Variants in ADGRB3 observed in about 807,000 individuals in gnomAD.
The protein encoded by ADGRB3 is brain-specific angiogenesis inhibitor 3.
ADGRB3 carries 37 observed loss-of-function variants against 193.4 expected under a neutral mutation model. That is an observed-to-expected ratio of 0.19 (90% CI 0.15 to 0.25). ADGRB3 has a LOEUF of 0.25. Ranked by LOEUF, ADGRB3 falls within the 10% of genes least tolerant of loss-of-function variation. The probability of loss-of-function intolerance (pLI) is 1.00; values close to 1 mark genes in which losing one functional copy is unlikely to be tolerated. For missense variants in ADGRB3, 1,637 were observed against 1,852.9 expected, an observed-to-expected ratio of 0.88 and a Z score of 2.14; for synonymous variants, 690 against 644.2, an observed-to-expected ratio of 1.07 and a Z score of -1.08.
At chr6:69,155,501 T>C (rs1457243949) in intron 17 of ADGRB3, among the ~76,000 whole-genome samples, 5 of 152,260 alleles carry the variant, frequency 3.3e-5, no homozygotes, top group African/African-American at 9.6e-5. Context: ...TTTATCAAGA[T>C]ACTTTGCAAA....
At chr6:68,964,420 G>A (rs1768319461) in intron 8 of ADGRB3, among the ~76,000 whole-genome samples, 1 of 152,128 alleles carries the variant, frequency 6.6e-6, no homozygotes, top group Non-Finnish European at 1.5e-5. Context: ...CCAGTCTTCA[G>A]TAGCCTTGCC....
chr6:68,748,172 C>T (rs1490927730), intron 3 of ADGRB3, among the ~76,000 whole-genome samples: 2 of 152,018 alleles, frequency 1.3e-5, no homozygotes, highest in Non-Finnish European at 2.9e-5. Flanking sequence ...ATCATTCCAC[C>T]CCTAGCCCCT....
rs751049558 is a variant in ADGRB3 at position 69,075,995 on chromosome 6, G to C, written c.2437G>C (p.Gly813Arg). The change falls in exon 17 of 32, where the codon GGT becomes CGT. Residue 813 changes from glycine (G) to arginine (R), a missense_variant and splice_region_variant. Physicochemically the swap from Gly to Arg is moderately radical, Grantham distance 125. Transcript: ENST00000370598. ...CATTCTTTCTCTGCTTTTTTTTTAG[G>C]GTACTTTGAATCCCTATTGTGTATT... ...LEIELAHLANGTLNPYCVLWD... is the reference protein window; with the variant it reads ...LEIELAHLANRTLNPYCVLWD... The C allele has an allele frequency of 6.2e-7, 1 of 1,603,634 alleles. No homozygotes were observed. The highest frequency in any genetic ancestry group is 1.4e-5 in the African/African-American group (1 of 73,588).
At chr6:68,736,055 A>T (rs1272852214) in intron 3 of ADGRB3, among the ~76,000 whole-genome samples, 1 of 152,064 alleles carries the variant, frequency 6.6e-6, no homozygotes, top group Non-Finnish European at 1.5e-5. Flanking sequence ...TCTGTTGCCC[A>T]GTTTGGAATG....
At chr6:68,964,677 T>C (rs1562102529) in intron 8 of ADGRB3, among the ~76,000 whole-genome samples, 1 of 152,194 alleles carries the variant, frequency 6.6e-6, no homozygotes, top group Non-Finnish European at 1.5e-5. Flanking sequence ...TGTTATCAGG[T>C]TGAAACTAGA....
intron 17 of ADGRB3, among the ~76,000 whole-genome samples, chr6:69,085,129 G>A (rs965327732): frequency 5.3e-5 from 8 of 152,188 alleles, no homozygotes; most frequent in East Asian, 1.9e-4. Context: ...AGATTCCTAC[G>A]TGTCATAGGA....
chr6:68,639,397 A>G lies in ADGRB3; in HGVS notation c.722A>G (p.Asn241Ser). 1 of 1,612,966 alleles carries G rather than the reference A, an allele frequency of 6.2e-7. No individual in the cohort carries two copies. The highest frequency in any genetic ancestry group is 8.5e-7 in the Non-Finnish European group (1 of 1,179,506). The change falls in exon 3 of 32, where the codon AAT (asparagine) becomes AGT (serine). Residue 241 changes from asparagine to serine, a missense_variant. Around this residue, in one of 7 missense-constraint regions of ADGRB3, gnomAD observed 365 missense variants for 409.8 expected, o/e 0.89. Transcript: ENST00000370598. Reference protein sequence around the residue: ...TQELQTTQVCNLTREAKRPPK... With the variant: ...TQELQTTQVCSLTREAKRPPK... ...GAGCTGCAAACCACCCAAGTCTGCA[A>G]TCTTACCAGGGAGGCCAAGCGACCA...
chr6:69,255,024 A>G (rs1405798301), intron 20 of ADGRB3, among the ~76,000 whole-genome samples: 9 of 151,560 alleles, frequency 5.9e-5, no homozygotes, highest in African/African-American at 2.2e-4. Context: ...ATGTCCCTAC[A>G]AAGGACATGA....
chr6:68,753,877 G>C (rs1766250109), intron 3 of ADGRB3, among the ~76,000 whole-genome samples: 1 of 152,140 alleles, frequency 6.6e-6, no homozygotes, highest in Admixed American at 6.5e-5. Flanking sequence ...CTAGACTATT[G>C]ATATGCAATT....
chr6:69,374,122 C>T (rs1769763782), intron 30 of ADGRB3, among the ~76,000 whole-genome samples: 1 of 151,984 alleles, frequency 6.6e-6, no homozygotes, highest in African/African-American at 2.4e-5. Context: ...GTAATCACTG[C>T]ATGATTACTA....
chr6:69,330,856 TTAATG>T (rs779673230), intron 23 of ADGRB3, among the ~76,000 whole-genome samples: 1 of 152,226 alleles, frequency 6.6e-6, no homozygotes, highest in Non-Finnish European at 1.5e-5. Context: ...TTCTTCCTCT[TTAATG>T]TATAGAATCT....
chr6:69,346,604 G>A (rs1769093335), intron 26 of ADGRB3, among the ~76,000 whole-genome samples: 1 of 152,206 alleles, frequency 6.6e-6, no homozygotes, highest in Non-Finnish European at 1.5e-5. Context: ...ATGAAAAATA[G>A]CTCATCATCA....
intron 26 of ADGRB3, among the ~76,000 whole-genome samples, chr6:69,342,421 G>A (rs923247969): frequency 6.6e-6 from 1 of 151,982 alleles, no homozygotes; most frequent in Non-Finnish European, 1.5e-5. Context: ...CAGGTATAGG[G>A]CAAGTCTGCT....
rs1276472812 is a variant in ADGRB3 at position 69,285,333 on chromosome 6, G to A, written c.2815-39539G>A. ...CCTGGCTCACTGCAACAGCCTCAGA[G>A]CTTCCTCTACTTCTAGTCGTCCTCC... On this transcript the variant is annotated intron_variant, in intron 20 of 31. Transcript: ENST00000370598. Among the ~76,000 whole-genome samples, 3 of 152,226 alleles carry A rather than the reference G, an allele frequency of 2.0e-5. No homozygotes were observed. The East Asian group carries it at 5.8e-4, about 29-fold the overall frequency.
At chr6:69,298,923 G>A (rs1348450982) in intron 20 of ADGRB3, among the ~76,000 whole-genome samples, 2 of 151,854 alleles carry the variant, frequency 1.3e-5, no homozygotes, top group Non-Finnish European at 2.9e-5. Flanking sequence ...GGATCATATG[G>A]TAGTTCTATT....
intron 20 of ADGRB3, among the ~76,000 whole-genome samples, chr6:69,302,694 A>T (rs868342443): frequency 7.9e-4 from 120 of 152,114 alleles, no homozygotes; most frequent in African/African-American, 2.9e-3. Context: ...TATGAAAGAG[A>T]ACCCTGTAGA....
At chr6:69,250,274 G>C (rs866634115) in intron 20 of ADGRB3, among the ~76,000 whole-genome samples, 2 of 151,998 alleles carry the variant, frequency 1.3e-5, no homozygotes, top group African/African-American at 4.8e-5. Context: ...AGAAAGATGT[G>C]TATTGCTTTT....
Position 68,956,096 on chromosome 6 carries a change from G to A in ADGRB3, c.1268G>A (p.Arg423Lys), listed in dbSNP as rs1172076680. 1 of 1,614,036 alleles carries A rather than the reference G, an allele frequency of 6.2e-7. No homozygotes were observed. Among genetic ancestry groups the A allele is most frequent in the South Asian group, 1.1e-5 (1 of 91,078 alleles). ...SVTCSNGTQQRSRQCTAAAHG... is the reference protein window; with the variant it reads ...SVTCSNGTQQKSRQCTAAAHG... ...ACGTGCTCGAATGGGACTCAGCAGA[G>A]AAGCCGGCAGTGCACTGCAGCTGCC... Residue 423 changes from arginine to lysine, a missense_variant, in exon 7 of 32, where the codon AGA (arginine) becomes AAA (lysine). Physicochemically the swap from Arg to Lys is conservative, Grantham distance 26 (BLOSUM62 2). Transcript: ENST00000370598.
intron 20 of ADGRB3, among the ~76,000 whole-genome samples, chr6:69,264,301 C>T (rs1479202337): frequency 6.6e-6 from 1 of 151,962 alleles, no homozygotes; most frequent in East Asian, 1.9e-4. Flanking sequence ...ATGGCTATTT[C>T]AAGCCCAGCA....
Sources: allele counts gnomAD v4.1 joint callset (sites outside exome capture counted in the v4.1 genomes callset), GRCh38; gene constraint gnomAD v4.1.1; regional missense constraint gnomAD v4.1.1; transcripts MANE v1.5; gene names NCBI Gene and HGNC (gene_info 2026-07-23, HGNC 2026-07-21).